TBCD: variants seen among roughly 807,000 people sequenced by gnomAD.
TBCD encodes the protein tubulin-specific chaperone D.
Under a neutral mutation model 169.3 loss-of-function variants are expected in TBCD, and 105 were observed. That is an observed-to-expected ratio of 0.62 (90% CI 0.53 to 0.73). The LOEUF is 0.73. Among genes scored for constraint, TBCD ranks in the 30% least tolerant of loss-of-function variants. TBCD has a pLI of 0.00. For missense variants in TBCD, 1,444 were observed against 1,600.1 expected (o/e 0.90, Z 1.66); for synonymous variants, 700 against 643.9 (o/e 1.09, Z -1.32).
intron 34 of TBCD, 31 bp downstream of exon 34, chr17:82,932,766 C>G: frequency 1.2e-6 from 2 of 1,606,754 alleles, no homozygotes; most frequent in Non-Finnish European, 1.7e-6. Context: ...ACTTCCTTTC[C>G]GATTAAGCCT....
At chr17:82,854,571 A>G (rs2056092627) in intron 13 of TBCD, among the ~76,000 whole-genome samples, 1 of 152,204 alleles carries the variant, frequency 6.6e-6, no homozygotes, top group African/African-American at 2.4e-5. Context: ...GATACTGTTG[A>G]AAATGTCAGA....
At position 82,929,276 on chromosome 17, in the gene TBCD, T is replaced by A; in HGVS notation, c.2852+5T>A. 1 of 1,613,222 alleles carries A rather than the reference T, an allele frequency of 6.2e-7. No homozygotes were observed. Among genetic ancestry groups the A allele is most frequent in the Non-Finnish European group, 8.5e-7 (1 of 1,179,348 alleles). On this transcript the variant is annotated splice_donor_5th_base_variant and intron_variant, in intron 31 of 38. Transcript: ENST00000355528. ...ACTGGAAAAGCTGTTTCCCAGGTAC[T>A]GTCGGGGTGTAGGCCCCCCGTGCTG...
In TBCD at chr17:82,903,390, T is replaced by C. The variant is rs751678642; in HGVS notation, c.1731-15T>C. On this transcript the variant is annotated splice_polypyrimidine_tract_variant and intron_variant, in intron 18 of 38. Transcript: ENST00000355528. This position sits in a 1 kb window ranked among gnomAD's most constrained non-coding sequence, Gnocchi z 4.8. ...TAAAATGAAGGCACTTACGACATTC[T>C]CTCCTCACTCTCAGGGTCATCCGAG... 17 of 1,594,598 alleles carry C rather than the reference T, an allele frequency of 1.1e-5. No homozygotes were observed. Among genetic ancestry groups the C allele is most frequent in the Non-Finnish European group, 1.4e-5 (16 of 1,170,296 alleles).
chr17:82,752,255 T>A lies in TBCD; in HGVS notation c.62T>A (p.Leu21Gln). ...GPEEEAEDETLAFGAALEAFG... is the reference protein window; with the variant it reads ...GPEEEAEDETQAFGAALEAFG... ...GAGGAGGAGGCGGAGGACGAGACACTGGCCTTTGGCGCGGCGCTGGAAGCG... is the reference window on the plus strand; with the variant it reads ...GAGGAGGAGGCGGAGGACGAGACACAGGCCTTTGGCGCGGCGCTGGAAGCG... The change falls in exon 1 of 39, where the codon CTG (leucine) becomes CAG (glutamine). Residue 21 changes from leucine (L) to glutamine (Q), a missense_variant. By Grantham distance (113) the Leu-to-Gln change is moderately radical. Coordinates refer to ENST00000355528, the MANE Select transcript of TBCD (RefSeq NM_005993.5). 4 of 1,523,348 alleles carry A rather than the reference T, an allele frequency of 2.6e-6. No homozygotes were observed. The highest frequency in any genetic ancestry group is 3.5e-6 in the Non-Finnish European group (4 of 1,139,712). The allele number at this position is 1,523,348 out of a possible 1,614,324, so 94.4% of individuals were successfully genotyped here.
Position 82,872,889 on chromosome 17 carries a change from C to T in TBCD, c.1475+2509C>T, listed in dbSNP as rs560971752. ...CTGAGCCAGGCCCATCACCTGGTGG[C>T]CGACGGCTTCTGAGCCAGGCCCGGC... On this transcript the variant is annotated intron_variant, in intron 14 of 38. Transcript: ENST00000355528. 1.9e-3 allele frequency among the ~76,000 whole-genome samples: 221 copies of T among 118,618 alleles called. 2 individuals are homozygous for T. The highest frequency in any genetic ancestry group is 7.4e-3 in the African/African-American group (217 of 29,512). The allele number at this position is 118,618 out of a possible 152,430, so 77.8% of individuals were successfully genotyped here.
chr17:82,767,731 C>T (rs1171039683), intron 4 of TBCD, among the ~76,000 whole-genome samples: 3 of 152,028 alleles, frequency 2.0e-5, no homozygotes, highest in African/African-American at 4.8e-5. Context: ...CCAAGGTGGG[C>T]GGATCACGAG....
chr17:82,924,173 C>T (rs1216882060), intron 26 of TBCD, among the ~76,000 whole-genome samples: 3 of 152,114 alleles, frequency 2.0e-5, no homozygotes, highest in Non-Finnish European at 4.4e-5. Flanking sequence ...AGGCTGGAAT[C>T]GAACTCCTGA....
At chr17:82,875,595 A>AGCGGC (rs2057909259) in intron 14 of TBCD, among the ~76,000 whole-genome samples, 1 of 152,172 alleles carries the variant, frequency 6.6e-6, no homozygotes, top group Non-Finnish European at 1.5e-5. Flanking sequence ...AAACCTGCTG[A>AGCGGC]GCGGCGCGGC....
rs2061542076 is a variant in TBCD at position 82,923,532 on chromosome 17, G to C, written c.2179-120G>C. On this transcript the variant is annotated intron_variant, in intron 25 of 38. Transcript: ENST00000355528. The surrounding 1 kb of genome is among the most constrained non-coding windows in gnomAD (Gnocchi z 4.6). The stretch of plus-strand genomic sequence containing the variant: ...TCAGGCAGGGGCTGCTCTGACCTCA[G>C]GGTGACCACGGTGTCCCTGGTCAGG... The C allele has an allele frequency of 7.4e-6, 6 of 815,702 alleles. No individual in the cohort carries two copies. The highest frequency in any genetic ancestry group is 6.2e-5 in the South Asian group (4 of 64,474). 50.5% of individuals were successfully genotyped at this position (815,702 alleles called of 1,614,324 possible).
At chr17:82,858,426 T>A in intron 13 of TBCD, 1 of 243,242 alleles carries the variant, frequency 4.1e-6, no homozygotes, top group Non-Finnish European at 6.6e-6. Flanking sequence ...TTGTCTTCCG[T>A]GTTTTTGCTA....
At chr17:82,934,280 C>CT (rs1568089886) in intron 34 of TBCD, among the ~76,000 whole-genome samples, 1 of 152,210 alleles carries the variant, frequency 6.6e-6, no homozygotes, top group African/African-American at 2.4e-5. Flanking sequence ...GATCTGGTCT[C>CT]TGTTGCTCCA....
At position 82,832,220 on chromosome 17, in the gene TBCD, G is replaced by A. The variant is rs761119989; in HGVS notation, c.1318+17286G>A. On this transcript the variant is annotated intron_variant, in intron 13 of 38. Coordinates refer to ENST00000355528, the MANE Select transcript of TBCD (RefSeq NM_005993.5). The surrounding 1 kb of genome is among the most constrained non-coding windows in gnomAD (Gnocchi z 4.9). ...GAGGCTGGCTTCGCCGTGGCATCGGGCTGGTTGGTTTGCTTGGGGTCTAGT... is the reference window on the plus strand; with the variant it reads ...GAGGCTGGCTTCGCCGTGGCATCGGACTGGTTGGTTTGCTTGGGGTCTAGT... The A allele has an allele frequency of 6.2e-7, 1 of 1,614,134 alleles. No individual in the cohort carries two copies. Among genetic ancestry groups the A allele is most frequent in the Non-Finnish European group, 8.5e-7 (1 of 1,180,058 alleles).
At chr17:82,773,618 A>C (rs2048413028) in intron 6 of TBCD, among the ~76,000 whole-genome samples, 2 of 152,102 alleles carry the variant, frequency 1.3e-5, no homozygotes, top group South Asian at 4.1e-4. Context: ...TCCATGGCTC[A>C]GTTGCTGCAC....
chr17:82,797,671 G>C (rs2050196222), intron 7 of TBCD, 86 bp from the exon 8 acceptor site: 18 of 1,001,334 alleles, frequency 1.8e-5, no homozygotes, highest in African/African-American at 3.3e-5. Context: ...TCTGAAAGAT[G>C]TGATGAATTG....
chr17:82,865,339 T>G (rs1464381218), intron 13 of TBCD, among the ~76,000 whole-genome samples: 1 of 152,132 alleles, frequency 6.6e-6, no homozygotes, highest in Non-Finnish European at 1.5e-5. Context: ...TTTCCTGCGC[T>G]CGGGCTCTGC....
chr17:82,781,121 C>T (rs984577379), intron 6 of TBCD, among the ~76,000 whole-genome samples: 7 of 151,942 alleles, frequency 4.6e-5, no homozygotes, highest in South Asian at 2.1e-4. Flanking sequence ...GTGCACAAGA[C>T]GCATGGCAGG....
intron 13 of TBCD, among the ~76,000 whole-genome samples, chr17:82,845,500 C>G (rs2054957725): frequency 7.5e-6 from 1 of 133,076 alleles, no homozygotes; most frequent in Non-Finnish European, 1.7e-5. Context: ...TCCGGCCCGG[C>G]CCCTTCCTCT....
chr17:82,918,943 T>C (rs1445235118), intron 23 of TBCD, among the ~76,000 whole-genome samples: 2 of 152,180 alleles, frequency 1.3e-5, no homozygotes, highest in African/African-American at 2.4e-5. Context: ...GGTGCCCACG[T>C]GGAAGAAGGT....
In TBCD at chr17:82,832,435, C is replaced by T. The variant is rs1040401049; in HGVS notation, c.1318+17501C>T. 8.7e-6 allele frequency: 14 copies of T among 1,612,496 alleles called. No homozygotes were observed. The highest frequency in any genetic ancestry group is 2.7e-5 in the African/African-American group (2 of 74,922). On this transcript the variant is annotated intron_variant, in intron 13 of 38. Transcript: ENST00000355528. This position sits in a 1 kb window ranked among gnomAD's most constrained non-coding sequence, Gnocchi z 4.9. Reference sequence around the variant, plus strand: ...GATGTAATGTGGCTTTTTTGGCTTCCGCTCTTTGAGGAGACTCATTTTCCT... The same window carrying T: ...GATGTAATGTGGCTTTTTTGGCTTCTGCTCTTTGAGGAGACTCATTTTCCT...
Sources: gnomAD v4.1 joint callset for allele counts (sites outside exome capture counted in the v4.1 genomes callset) on GRCh38, gnomAD v4.1.1 for gene constraint, Gnocchi (gnomAD v3.1) non-coding constraint, MANE v1.5 for transcripts, NCBI Gene and HGNC (gene_info 2026-07-23, HGNC 2026-07-21) for gene names.